The following CMKLR2 variants were observed in gnomAD, a reference collection of about 807,000 sequenced individuals.
CMKLR2 encodes the protein chemerin chemokine-like receptor 2.
A neutral mutation model predicts 23.0 loss-of-function variants in CMKLR2; 18 were observed. The ratio of observed to expected loss-of-function variants is 0.78; its 90% CI spans 0.54 to 1.16. The LOEUF (loss-of-function observed/expected upper bound fraction) is 1.16. CMKLR2 is among the 50% of genes most tolerant of loss of function. The probability of loss-of-function intolerance (pLI) is 0.00; values close to 1 mark genes in which losing one functional copy is unlikely to be tolerated. For synonymous variants in CMKLR2, 158 were observed against 158.9 expected (o/e 0.99, Z 0.05); for missense variants, 401 against 412.7 (o/e 0.97, Z 0.25).
intron 1 of CMKLR2, among the ~76,000 whole-genome samples, chr2:206,204,353 CAAAAAA>C (rs373840930): frequency 2.3e-5 from 1 of 44,212 alleles, no homozygotes; most frequent in Admixed American, 2.6e-4. Flanking sequence ...GACTCCATCT[CAAAAAA>C]AAAAAAAAAA....
At chr2:206,191,326 G>A (rs570583551) in intron 1 of CMKLR2, among the ~76,000 whole-genome samples, 1 of 152,258 alleles carries the variant, frequency 6.6e-6, no homozygotes, top group South Asian at 2.1e-4. Flanking sequence ...GATAATTGTA[G>A]GTATTGATCA....
intron 1 of CMKLR2, among the ~76,000 whole-genome samples, chr2:206,186,604 G>C (rs1576042745): frequency 6.6e-6 from 1 of 152,058 alleles, no homozygotes; most frequent in South Asian, 2.1e-4. Context: ...GAGGGAGAGG[G>C]GAGCTTCCCT....
At chr2:206,217,811 C>T (rs1308917961), upstream of CMKLR2, 2 of 152,266 alleles carry the variant, frequency 1.3e-5, no homozygotes, top group Non-Finnish European at 2.9e-5. Flanking sequence ...GCACTCACCT[C>T]TCTGAAGTTG....
chr2:206,178,829 A>C (rs1224807780), intron 1 of CMKLR2, among the ~76,000 whole-genome samples: 1 of 151,938 alleles, frequency 6.6e-6, no homozygotes, highest in African/African-American at 2.4e-5. Flanking sequence ...TTGTATTTTT[A>C]GTAGAGACAG....
At chr2:206,207,366 C>T (rs1689366183) in intron 1 of CMKLR2, among the ~76,000 whole-genome samples, 1 of 152,072 alleles carries the variant, frequency 6.6e-6, no homozygotes, top group Non-Finnish European at 1.5e-5. Context: ...TCTCGAACTC[C>T]TGACCTTAGG....
intron 1 of CMKLR2, among the ~76,000 whole-genome samples, chr2:206,190,384 GT>G (rs1050422021): frequency 9.2e-5 from 14 of 152,158 alleles, no homozygotes; most frequent in African/African-American, 2.4e-4. Flanking sequence ...CAGAATATTT[GT>G]TTTTGTAAAG....
chr2:206,179,374 C>CTTTTTT (rs1178241566), intron 1 of CMKLR2, among the ~76,000 whole-genome samples: 1 of 76,218 alleles, frequency 1.3e-5, no homozygotes, highest in Non-Finnish European at 2.5e-5. Flanking sequence ...CGCACCCAGC[C>CTTTTTT]TTTTTTTTTT....
chr2:206,198,620 G>C (rs1375272560), intron 1 of CMKLR2, among the ~76,000 whole-genome samples: 1 of 151,962 alleles, frequency 6.6e-6, no homozygotes, highest in African/African-American at 2.4e-5. Flanking sequence ...TATAGATCAA[G>C]GTCCAAACCA....
chr2:206,191,792 C>T (rs557704573), intron 1 of CMKLR2, among the ~76,000 whole-genome samples: 14 of 151,008 alleles, frequency 9.3e-5, no homozygotes, highest in East Asian at 7.8e-4. Flanking sequence ...CTCAGCCACC[C>T]GCAGCAGCTG....
Position 206,176,523 on chromosome 2 carries a change from C to G in CMKLR2, c.725G>C (p.Ser242Thr). The G allele has an allele frequency of 6.2e-7, 1 of 1,614,162 alleles. No homozygotes were observed. ...KVKKRSILIS[S>T]RHFWTILVVV... is the part of the protein sequence containing the mutation. ...AACCAGAATTGTCCAGAAATGCCTA[C>G]TGGAGATCAGGATGCTTCGCTTCTT... The change falls in exon 2 of 2, where the codon AGT becomes ACT. Residue 242 changes from serine to threonine, a missense_variant. Physicochemically the swap from Ser to Thr is moderately conservative, Grantham distance 58. Coordinates refer to ENST00000621141, the MANE Select transcript of CMKLR2 (RefSeq NM_001389445.1).
At chr2:206,202,647 C>T (rs1216110453) in intron 1 of CMKLR2, among the ~76,000 whole-genome samples, 3 of 150,202 alleles carry the variant, frequency 2.0e-5, no homozygotes, top group South Asian at 4.4e-4. Context: ...GGCTGGATGG[C>T]GTCATAGCTA....
upstream of CMKLR2, among the ~76,000 whole-genome samples, chr2:206,215,862 A>G (rs1260342804): frequency 6.6e-6 from 1 of 152,172 alleles, no homozygotes; most frequent in Admixed American, 6.5e-5. Flanking sequence ...GGGTCAGTTA[A>G]TTGGAGATCT....
chr2:206,199,193 TCGAGA>T (rs1377556331), intron 1 of CMKLR2, among the ~76,000 whole-genome samples: 1 of 152,176 alleles, frequency 6.6e-6, no homozygotes, highest in African/African-American at 2.4e-5. Flanking sequence ...GACCAGGAGT[TCGAGA>T]CCAGCCTGGC....
At chr2:206,195,361 A>G (rs918752059) in intron 1 of CMKLR2, among the ~76,000 whole-genome samples, 6 of 152,184 alleles carry the variant, frequency 3.9e-5, no homozygotes, top group Non-Finnish European at 7.3e-5. Context: ...AATAGTCAAG[A>G]AAATTTTGAC....
chr2:206,210,938 A>ATT (rs1189427816), intron 1 of CMKLR2, among the ~76,000 whole-genome samples: 1 of 151,986 alleles, frequency 6.6e-6, no homozygotes, highest in East Asian at 1.9e-4. Context: ...TCTATATGCT[A>ATT]TTTTTTTCTA....
At chr2:206,188,041 T>G (rs1480767020) in intron 1 of CMKLR2, among the ~76,000 whole-genome samples, 4 of 152,094 alleles carry the variant, frequency 2.6e-5, no homozygotes, top group Non-Finnish European at 5.9e-5. Flanking sequence ...TCAAGTGCTC[T>G]TTGTGCCTCA....
In CMKLR2 at chr2:206,176,348, G is replaced by A. The variant is rs1234441605; in HGVS notation, c.900C>T (p.Asn300=). 13 of 1,614,066 alleles carry A rather than the reference G, an allele frequency of 8.1e-6. No homozygotes were observed. The highest frequency in any genetic ancestry group is 1.0e-5 in the Non-Finnish European group (12 of 1,180,038). Reference sequence around the variant, plus strand: ...TACTAATTAGGACATAAAGGATGGGGTTCAAGCAACTATTGAGGAATGCCA... The same window carrying A: ...TACTAATTAGGACATAAAGGATGGGATTCAAGCAACTATTGAGGAATGCCA... The part of the protein sequence containing the change: ...TGLAFLNSCL[N]PILYVLISKK... The change falls in exon 2 of 2, where the codon AAC becomes AAT. Residue 300 remains asparagine, a synonymous_variant. Coordinates refer to ENST00000621141, the MANE Select transcript of CMKLR2 (RefSeq NM_001389445.1).
intron 1 of CMKLR2, among the ~76,000 whole-genome samples, chr2:206,210,097 G>A (rs1689497239): frequency 1.3e-5 from 2 of 151,802 alleles, no homozygotes. Context: ...CCAAGTAGCT[G>A]GGACTACAGG....
intron 1 of CMKLR2, among the ~76,000 whole-genome samples, chr2:206,209,260 C>A (rs1446088994): frequency 1.3e-5 from 2 of 151,816 alleles, no homozygotes; most frequent in African/African-American, 4.8e-5. Context: ...ATCGCTTGAA[C>A]CTAGGAGGTA....
Sources: allele counts gnomAD v4.1 joint callset (sites outside exome capture counted in the v4.1 genomes callset), GRCh38; gene constraint gnomAD v4.1.1; transcripts MANE v1.5; gene names NCBI Gene and HGNC (gene_info 2026-07-23, HGNC 2026-07-21).